PLCB1: variants seen among roughly 807,000 people sequenced by gnomAD.
The protein encoded by PLCB1 is phospholipase C beta 1.
PLCB1 carries 46 observed loss-of-function variants against 161.8 expected under a neutral mutation model. The observed-to-expected ratio is 0.28, with a 90% CI of 0.22 to 0.36. The LOEUF is 0.36. PLCB1 is among the 10% of genes least tolerant of loss of function. The pLI is 1.00. For synonymous variants in PLCB1, 517 were observed against 503.7 expected, an observed-to-expected ratio of 1.03 and a Z score of -0.35; for missense variants, 1,016 against 1,472.5, an observed-to-expected ratio of 0.69 and a Z score of 5.07.
At chr20:8,178,164 GCATAT>G (rs1254260613) in intron 2 of PLCB1, among the ~76,000 whole-genome samples, 1 of 152,150 alleles carries the variant, frequency 6.6e-6, no homozygotes, top group African/African-American at 2.4e-5. Flanking sequence ...ACATACATGT[GCATAT>G]GTCTTTATGA....
chr20:8,388,208 C>A (rs116274442), intron 3 of PLCB1, among the ~76,000 whole-genome samples: 1,892 of 151,792 alleles, frequency 0.012, 47 homozygotes, highest in African/African-American at 0.042. Flanking sequence ...GCTTTTTTTT[C>A]CCTTATATCA....
chr20:8,758,343 G>A (rs1283698143), intron 24 of PLCB1, among the ~76,000 whole-genome samples: 1 of 152,042 alleles, frequency 6.6e-6, no homozygotes, highest in African/African-American at 2.4e-5. Flanking sequence ...TACTTTGGAA[G>A]GTTGAGGCAG....
chr20:8,651,354 T>A, intron 7 of PLCB1: 1 of 686,200 alleles, frequency 1.5e-6, no homozygotes, highest in South Asian at 1.6e-5. Flanking sequence ...CATTAACAAC[T>A]TTGGTGGGTC....
intron 3 of PLCB1, among the ~76,000 whole-genome samples, chr20:8,579,321 A>G (rs1478162698): frequency 6.6e-6 from 1 of 152,258 alleles, no homozygotes; most frequent in African/African-American, 2.4e-5. Flanking sequence ...CACATGGGCT[A>G]GAGCTGAGTA....
intron 3 of PLCB1, among the ~76,000 whole-genome samples, chr20:8,471,604 T>TTGAGACAGTTTGTG: frequency 6.6e-6 from 1 of 152,170 alleles, no homozygotes; most frequent in African/African-American, 2.4e-5. Flanking sequence ...CTGGGAAGAC[T>TTGAGACAGTTTGTG]TGAGACAGTT....
chr20:8,803,337 T>G (rs1054408282), intron 31 of PLCB1, among the ~76,000 whole-genome samples: 4 of 152,052 alleles, frequency 2.6e-5, no homozygotes, highest in Non-Finnish European at 5.9e-5. Context: ...CATTCCTACC[T>G]CCAGGCTTAA....
In PLCB1 at chr20:8,819,286, A is replaced by G. The variant is rs12625782; in HGVS notation, c.3423+29025A>G. On this transcript the variant is annotated intron_variant, in intron 31 of 31. Transcript: ENST00000338037. ...TGGAGAAACTCAGGCTTTTCAATAA[A>G]CATTGAAAGAACTATTATTATTGAT... 5.3e-5 allele frequency among the ~76,000 whole-genome samples: 8 copies of G among 152,302 alleles called. No individual in the cohort carries two copies. The East Asian group carries it at 1.5e-3, about 29-fold the overall frequency.
chr20:8,605,973 C>G (rs1349143232), intron 3 of PLCB1, among the ~76,000 whole-genome samples: 1 of 152,124 alleles, frequency 6.6e-6, no homozygotes, highest in Admixed American at 6.5e-5. Context: ...TTTTACTGCA[C>G]AAGACATGAT....
At position 8,790,172 on chromosome 20, in the gene PLCB1, T is replaced by A; in HGVS notation, c.3337-3T>A. 6.2e-7 allele frequency: 1 copy of A among 1,601,630 alleles called. No homozygotes were observed. The highest frequency in any genetic ancestry group is 8.5e-7 in the Non-Finnish European group (1 of 1,170,134). ...AGTAATGTTTCTTGTAACTTTCTTA[T>A]AGCTAGAAGAAGCGCAAAGTAAACG... On this transcript the variant is annotated splice_region_variant and splice_polypyrimidine_tract_variant and intron_variant, in intron 30 of 31. Coordinates refer to ENST00000338037, the MANE Select transcript of PLCB1 (RefSeq NM_015192.4).
intron 2 of PLCB1, among the ~76,000 whole-genome samples, chr20:8,184,929 T>C (rs548179244): frequency 3.9e-5 from 6 of 152,080 alleles, no homozygotes; most frequent in Admixed American, 3.9e-4. Flanking sequence ...CTCCTAATGC[T>C]ATCCCTCCCC....
At chr20:8,850,132 G>GTGAC (rs1321818567) in intron 31 of PLCB1, among the ~76,000 whole-genome samples, 8 of 152,304 alleles carry the variant, frequency 5.3e-5, no homozygotes, top group Admixed American at 1.3e-4. Context: ...TTAGAGCTGT[G>GTGAC]TGACTCCCAG....
chr20:8,322,473 T>A (rs1509117), intron 2 of PLCB1, among the ~76,000 whole-genome samples: 31,934 of 151,674 alleles, frequency 0.21, 4,223 homozygotes, highest in Non-Finnish European at 0.3. Context: ...GTAAAATTTT[T>A]AAAAAAAATC....
chr20:8,297,658 GT>G (rs754526805), intron 2 of PLCB1, among the ~76,000 whole-genome samples: 4 of 152,112 alleles, frequency 2.6e-5, no homozygotes, highest in Non-Finnish European at 5.9e-5. Flanking sequence ...GAGGATATCA[GT>G]ATCATTAATG....
At chr20:8,244,719 G>T (rs1037567061) in intron 2 of PLCB1, among the ~76,000 whole-genome samples, 1 of 151,778 alleles carries the variant, frequency 6.6e-6, no homozygotes, top group East Asian at 1.9e-4. Flanking sequence ...ATGCTATACC[G>T]CAGTAAAAGT....
Position 8,194,390 on chromosome 20 carries a change from G to A in PLCB1, c.177+44019G>A, listed in dbSNP as rs149238549. Among the ~76,000 whole-genome samples, 82 of 152,006 alleles carry A rather than the reference G, an allele frequency of 5.4e-4. 1 individual carries two copies. The highest frequency in any genetic ancestry group is 1.9e-3 in the African/African-American group (78 of 41,504). ...AAGTGCCAATGGTGGAAAAACTCCCGTAAGTGCACCCTGTCATTTTTCTTT... is the reference window on the plus strand; with the variant it reads ...AAGTGCCAATGGTGGAAAAACTCCCATAAGTGCACCCTGTCATTTTTCTTT... On this transcript the variant is annotated intron_variant, in intron 2 of 31. Transcript: ENST00000338037.
At chr20:8,815,630 A>C (rs182846574) in intron 31 of PLCB1, among the ~76,000 whole-genome samples, 188 of 152,334 alleles carry the variant, frequency 1.2e-3, no homozygotes, top group African/African-American at 4.4e-3. Context: ...CAGAAGTCTA[A>C]TCTTCAGCCT....
chr20:8,395,501 A>G (rs1310558695), intron 3 of PLCB1, among the ~76,000 whole-genome samples: 1 of 152,114 alleles, frequency 6.6e-6, no homozygotes, highest in African/African-American at 2.4e-5. Context: ...ACACAATTTT[A>G]AAGTCAATAA....
intron 20 of PLCB1, among the ~76,000 whole-genome samples, chr20:8,738,306 T>C (rs1980688199): frequency 1.3e-5 from 2 of 152,182 alleles, no homozygotes; most frequent in African/African-American, 4.8e-5. Flanking sequence ...CCACCAACAG[T>C]GTAAAAGTGT....
intron 23 of PLCB1, among the ~76,000 whole-genome samples, chr20:8,742,556 A>G (rs900268283): frequency 1.3e-5 from 2 of 152,212 alleles, no homozygotes; most frequent in Non-Finnish European, 2.9e-5. Flanking sequence ...CCATCCGCTC[A>G]GAGATAGCCA....
Sources: gnomAD v4.1 joint callset for allele counts (sites outside exome capture counted in the v4.1 genomes callset) on GRCh38, gnomAD v4.1.1 for gene constraint, MANE v1.5 for transcripts, NCBI Gene and HGNC (gene_info 2026-07-23, HGNC 2026-07-21) for gene names.